Variants in PCDH9 observed in about 807,000 individuals in gnomAD.
The protein encoded by PCDH9 is protocadherin-9.
In PCDH9, 24 loss-of-function variants were observed where a neutral mutation model predicts 70.6. The observed-to-expected ratio is 0.34, with a 90% CI of 0.25 to 0.48. PCDH9 has a LOEUF of 0.48. Ranked by LOEUF, PCDH9 falls within the 20% of genes least tolerant of loss-of-function variation. PCDH9 has a pLI of 0.99. For synonymous variants in PCDH9, 562 were observed against 558.5 expected, an observed-to-expected ratio of 1.01 and a Z score of -0.09; for missense variants, 1,281 against 1,503.6, an observed-to-expected ratio of 0.85 and a Z score of 2.45.
intron 3 of PCDH9, among the ~76,000 whole-genome samples, chr13:66,847,743 C>A (rs1341285388): frequency 1.3e-5 from 2 of 152,162 alleles, no homozygotes; most frequent in African/African-American, 4.8e-5. Context: ...TGCAATACTG[C>A]AGGTCAATCT....
intron 2 of PCDH9, among the ~76,000 whole-genome samples, chr13:67,046,871 G>A (rs1431655672): frequency 6.6e-6 from 1 of 152,006 alleles, no homozygotes; most frequent in Non-Finnish European, 1.5e-5. Context: ...CTCAGCTTAA[G>A]AAATTTTTCT....
intron 3 of PCDH9, among the ~76,000 whole-genome samples, chr13:66,812,350 CA>C (rs778868672): frequency 6.6e-6 from 1 of 150,654 alleles, no homozygotes; most frequent in African/African-American, 2.4e-5. Context: ...AAAAACTGAA[CA>C]AAAAAAAATC....
intron 3 of PCDH9, among the ~76,000 whole-genome samples, chr13:66,869,001 A>G (rs1463218476): frequency 6.6e-6 from 1 of 152,174 alleles, no homozygotes; most frequent in Non-Finnish European, 1.5e-5. Flanking sequence ...TTATTAATTC[A>G]TAGGTTTGGC....
chr13:66,504,857 G>A lies in PCDH9; in HGVS notation c.3340+126353C>T, dbSNP rs12876724. ...TCTTTGAGTGAATATCCACTGCCAT[G>A]GTTATCTTTTCCCAAGTAGTCTTCA... On this transcript the variant is annotated intron_variant, in intron 4 of 4. Coordinates refer to ENST00000377865, the MANE Select transcript of PCDH9 (RefSeq NM_203487.3). Among the ~76,000 whole-genome samples the A allele has an allele frequency of 6.7e-3, 1,023 of 152,206 alleles. 4 individuals are homozygous for A. Among genetic ancestry groups the A allele is most frequent in the Non-Finnish European group, 0.011 (767 of 68,000 alleles).
intron 2 of PCDH9, among the ~76,000 whole-genome samples, chr13:66,963,524 A>G (rs2083383128): frequency 6.6e-6 from 1 of 152,208 alleles, no homozygotes; most frequent in Non-Finnish European, 1.5e-5. Flanking sequence ...CACTACTTTG[A>G]TATTTTTAAT....
chr13:67,084,981 A>ATAT, intron 2 of PCDH9, among the ~76,000 whole-genome samples: 3 of 69,608 alleles, frequency 4.3e-5, no homozygotes, highest in Non-Finnish European at 8.4e-5. Flanking sequence ...AAAAAAAAAA[A>ATAT]AAAAAAAAAA....
intron 4 of PCDH9, among the ~76,000 whole-genome samples, chr13:66,605,572 G>A (rs944039425): frequency 6.6e-6 from 1 of 152,098 alleles, no homozygotes; most frequent in African/African-American, 2.4e-5. Flanking sequence ...TGTCTACTTG[G>A]CTACTGCTGT....
chr13:67,220,834 T>C (rs983617555), intron 2 of PCDH9: 1 of 152,088 alleles, frequency 6.6e-6, no homozygotes, highest in African/African-American at 2.4e-5. Context: ...TTATTAGCAA[T>C]GGAAGGCCAA....
In PCDH9 at chr13:66,808,521, C is replaced by A. The variant is rs1415835801; in HGVS notation, c.3138+94983G>T. Among the ~76,000 whole-genome samples the A allele has an allele frequency of 3.3e-5, 5 of 151,752 alleles. No homozygotes were observed. The East Asian group carries it at 9.7e-4, about 29-fold the overall frequency. On this transcript the variant is annotated intron_variant, in intron 3 of 4. Transcript: ENST00000377865. ...ACTGCTAAAGTAAAACAAAACAAAA[C>A]AAAAAAACAGAATTAGCACACCGTT...
chr13:66,371,309 C>T (rs1266534466), intron 4 of PCDH9, among the ~76,000 whole-genome samples: 2 of 151,996 alleles, frequency 1.3e-5, no homozygotes, highest in Non-Finnish European at 2.9e-5. Context: ...TCCAGTTAAC[C>T]TGCCTTTAAT....
intron 4 of PCDH9, among the ~76,000 whole-genome samples, chr13:66,314,549 C>T (rs1206373486): frequency 6.6e-6 from 1 of 152,100 alleles, no homozygotes; most frequent in East Asian, 1.9e-4. Context: ...ATGTGGATTC[C>T]CCAATTTATA....
In PCDH9 at chr13:66,556,305, A is replaced by T. The variant is rs1961737710; in HGVS notation, c.3340+74905T>A. Among the ~76,000 whole-genome samples the T allele has an allele frequency of 2.0e-5, 3 of 152,136 alleles. No individual in the cohort carries two copies. In the South Asian group the frequency reaches 6.2e-4, roughly 32 times the overall value. ...AAAATCTGTTTGTTTCTCCCAGAGCATGAGTGTAAGATATGGGGACTAAGA... is the reference window on the plus strand; with the variant it reads ...AAAATCTGTTTGTTTCTCCCAGAGCTTGAGTGTAAGATATGGGGACTAAGA... On this transcript the variant is annotated intron_variant, in intron 4 of 4. Coordinates refer to ENST00000377865, the MANE Select transcript of PCDH9 (RefSeq NM_203487.3).
chr13:67,135,362 A>G (rs1315632770), intron 2 of PCDH9, among the ~76,000 whole-genome samples: 1 of 152,124 alleles, frequency 6.6e-6, no homozygotes, highest in Non-Finnish European at 1.5e-5. Context: ...AGCTTGGAAA[A>G]GGAATTCTAA....
chr13:67,043,292 T>C (rs2085158101), intron 2 of PCDH9, among the ~76,000 whole-genome samples: 1 of 152,290 alleles, frequency 6.6e-6, no homozygotes, highest in East Asian at 1.9e-4. Flanking sequence ...TGGCATCTAT[T>C]GTAACAATCC....
chr13:66,913,735 T>A (rs1317225468), intron 2 of PCDH9, among the ~76,000 whole-genome samples: 1 of 152,068 alleles, frequency 6.6e-6, no homozygotes, highest in Non-Finnish European at 1.5e-5. Context: ...TGTAAATAAA[T>A]GATTAGTTGA....
At chr13:66,674,888 T>A (rs983309602) in intron 3 of PCDH9, among the ~76,000 whole-genome samples, 1 of 152,136 alleles carries the variant, frequency 6.6e-6, no homozygotes, top group Non-Finnish European at 1.5e-5. Context: ...GGTTCATTTA[T>A]GCTTCTGATG....
intron 3 of PCDH9, among the ~76,000 whole-genome samples, chr13:66,850,465 T>C (rs1241147939): frequency 6.6e-6 from 1 of 151,394 alleles, no homozygotes; most frequent in Non-Finnish European, 1.5e-5. Flanking sequence ...GACCTAAGAT[T>C]GTGCCACTGC....
rs1176605510 is a variant in PCDH9, at chr13:66,931,970, G to A, written c.3037-28365C>T. 1.3e-5 allele frequency among the ~76,000 whole-genome samples: 2 copies of A among 152,112 alleles called. 1 individual carries two copies. Among genetic ancestry groups the A allele is most frequent in the Middle Eastern group, 6.3e-3 (2 of 316 alleles). On this transcript the variant is annotated intron_variant, in intron 2 of 4. Transcript: ENST00000377865. ...TGTATGTTTATGTGTGTGGGTGTAT[G>A]TGTTTGCTTCCTTGTGTTTGAATAA...
chr13:66,901,081 T>C (rs142735368), intron 3 of PCDH9, among the ~76,000 whole-genome samples: 291 of 151,828 alleles, frequency 1.9e-3, no homozygotes, highest in African/African-American at 6.5e-3. Flanking sequence ...ATATTAAGCA[T>C]TTATACAGAA....
Sources: gnomAD v4.1 joint callset for allele counts (sites outside exome capture counted in the v4.1 genomes callset) on GRCh38, gnomAD v4.1.1 for gene constraint, MANE v1.5 for transcripts, NCBI Gene and HGNC (gene_info 2026-07-23, HGNC 2026-07-21) for gene names.